The following SYNPR variants were observed in gnomAD, a reference collection of about 807,000 sequenced individuals.
SYNPR encodes the protein synaptoporin.
In SYNPR, 23 loss-of-function variants were observed where a neutral mutation model predicts 32.9. That is an observed-to-expected ratio of 0.70 (90% CI 0.50 to 0.99). The LOEUF (loss-of-function observed/expected upper bound fraction) is 0.99. Ranked by LOEUF, SYNPR falls within the 50% of genes least tolerant of loss-of-function variation. SYNPR has a pLI of 0.00. For synonymous variants in SYNPR, 146 were observed against 135.9 expected (o/e 1.07, Z -0.52); for missense variants, 318 against 349.3 (o/e 0.91, Z 0.71).
At position 63,359,539 on chromosome 3, in the gene SYNPR, A is replaced by T. The variant is rs567625349; in HGVS notation, c.84+80797A>T. Among the ~76,000 whole-genome samples the T allele has an allele frequency of 9.1e-4, 139 of 152,186 alleles. 5 individuals are homozygous for T. Among genetic ancestry groups the T allele is most frequent in the South Asian group, 4.1e-4 (2 of 4,824 alleles). On this transcript the variant is annotated intron_variant, in intron 2 of 5. Transcript: ENST00000478300. ...GGCAACTGCTAGCACTCCCAGAGAG[A>T]TGCCCTTTTCCATTTGAAGTCTGTG... is the stretch of plus-strand genomic sequence containing the variant.
At chr3:63,539,678 G>A (rs1245617208) in intron 3 of SYNPR, among the ~76,000 whole-genome samples, 1 of 152,216 alleles carries the variant, frequency 6.6e-6, no homozygotes, top group South Asian at 2.1e-4. Flanking sequence ...TAGGCACAAG[G>A]AGCCTTTATA....
chr3:63,403,510 C>T (rs1351209243), intron 2 of SYNPR, among the ~76,000 whole-genome samples: 2 of 151,918 alleles, frequency 1.3e-5, no homozygotes, highest in Non-Finnish European at 2.9e-5. Flanking sequence ...TTAATCCTCA[C>T]AATAACCCCA....
chr3:63,291,447 T>C (rs1213891974), intron 2 of SYNPR, among the ~76,000 whole-genome samples: 1 of 152,220 alleles, frequency 6.6e-6, no homozygotes. Context: ...AGCTCAGATA[T>C]CTGGGAAATC....
At chr3:63,570,683 C>T (rs1288048906) in intron 4 of SYNPR, among the ~76,000 whole-genome samples, 1 of 152,144 alleles carries the variant, frequency 6.6e-6, no homozygotes, top group Non-Finnish European at 1.5e-5. Flanking sequence ...TATGTGATTT[C>T]TCCCTCTTCT....
chr3:63,603,871 G>A (rs1235414161), intron 4 of SYNPR, among the ~76,000 whole-genome samples: 1 of 152,134 alleles, frequency 6.6e-6, no homozygotes, highest in Non-Finnish European at 1.5e-5. Context: ...CTCATAGGAT[G>A]AGCTGGGAAA....
chr3:63,209,385 A>G, the SYNPR span, among the ~76,000 whole-genome samples: 1 of 151,782 alleles, frequency 6.6e-6, no homozygotes, highest in Non-Finnish European at 1.5e-5. Flanking sequence ...ACAAGTCCTT[A>G]TATCCCAGAA....
chr3:63,531,437 G>A (rs1349962264), intron 3 of SYNPR, among the ~76,000 whole-genome samples: 2 of 151,898 alleles, frequency 1.3e-5, no homozygotes, highest in South Asian at 2.1e-4. Context: ...GCTCTACCTC[G>A]GCTAACAAGT....
At chr3:63,494,404 T>TATATACACACAC (rs1553641129) in intron 3 of SYNPR, among the ~76,000 whole-genome samples, 5 of 102,456 alleles carry the variant, frequency 4.9e-5, no homozygotes, top group African/African-American at 2.0e-4. Flanking sequence ...TATATATATA[T>TATATACACACAC]ATATATATAT....
chr3:63,485,011 G>A (rs1467080035), intron 3 of SYNPR, among the ~76,000 whole-genome samples: 1 of 152,272 alleles, frequency 6.6e-6, no homozygotes, highest in East Asian at 1.9e-4. Context: ...GTACAAGTTA[G>A]GATTTGATCA....
At chr3:63,429,737 A>G (rs1354412118) in intron 2 of SYNPR, among the ~76,000 whole-genome samples, 1 of 152,220 alleles carries the variant, frequency 6.6e-6, no homozygotes. Flanking sequence ...TGTGAAGCAG[A>G]GCAGGGTTTC....
At chr3:63,408,146 G>GAAAGAAAGAAAGAAAGA (rs2088388484) in intron 2 of SYNPR, among the ~76,000 whole-genome samples, 2 of 32,564 alleles carry the variant, frequency 6.1e-5, no homozygotes, top group Non-Finnish European at 1.3e-4. Context: ...AGAAAGAAAA[G>GAAAGAAAGAAAGAAAGA]AAAGAAAGAA....
At chr3:63,436,328 C>T (rs1700084447) in intron 2 of SYNPR, among the ~76,000 whole-genome samples, 1 of 128,660 alleles carries the variant, frequency 7.8e-6, no homozygotes, top group Admixed American at 8.0e-5. Context: ...GCTATCCCTT[C>T]CCCCTCCCCC....
intron 2 of SYNPR, among the ~76,000 whole-genome samples, chr3:63,402,273 T>G (rs2088302830): frequency 6.6e-6 from 1 of 152,088 alleles, no homozygotes; most frequent in African/African-American, 2.4e-5. Context: ...CCCTGCAAAG[T>G]GGTGACCATC....
intron 2 of SYNPR, among the ~76,000 whole-genome samples, chr3:63,308,434 A>G (rs1390861310): frequency 6.6e-6 from 1 of 151,964 alleles, no homozygotes; most frequent in Non-Finnish European, 1.5e-5. Flanking sequence ...GTACAGATCC[A>G]CATTTCATCT....
chr3:63,423,298 C>T lies in SYNPR; in HGVS notation c.85-57534C>T, dbSNP rs1052519. Among the ~76,000 whole-genome samples the T allele has an allele frequency of 8.9e-4, 136 of 152,172 alleles. No homozygotes were observed. The East Asian group carries it at 0.017, about 19-fold the overall frequency. Reference sequence around the variant, plus strand: ...GTTCATGCTGGTGGTGGATATTGAGCGACTGTTATACAGCAAATGGACTCC... The same window carrying T: ...GTTCATGCTGGTGGTGGATATTGAGTGACTGTTATACAGCAAATGGACTCC... On this transcript the variant is annotated intron_variant, in intron 2 of 5. Coordinates refer to ENST00000478300, the MANE Select transcript of SYNPR (RefSeq NM_001130003.2).
chr3:63,317,474 A>G (rs2087055527), intron 2 of SYNPR, among the ~76,000 whole-genome samples: 1 of 151,866 alleles, frequency 6.6e-6, no homozygotes, highest in Non-Finnish European at 1.5e-5. Context: ...AAGGCCTTTT[A>G]CCATTATATA....
At chr3:63,344,833 T>C (rs2087415746) in intron 2 of SYNPR, among the ~76,000 whole-genome samples, 1 of 151,810 alleles carries the variant, frequency 6.6e-6, no homozygotes, top group Non-Finnish European at 1.5e-5. Flanking sequence ...GGCTGGTGAA[T>C]GGGGGGAATG....
At chr3:63,562,498 G>T (rs193046394) in intron 4 of SYNPR, among the ~76,000 whole-genome samples, 12 of 152,214 alleles carry the variant, frequency 7.9e-5, no homozygotes, top group Non-Finnish European at 1.5e-4. Context: ...AAGGAGACCA[G>T]GTTGACCCAA....
chr3:63,497,999 A>C (rs1559517650), intron 3 of SYNPR, among the ~76,000 whole-genome samples: 1 of 152,160 alleles, frequency 6.6e-6, no homozygotes, highest in Non-Finnish European at 1.5e-5. Flanking sequence ...TAAGAAAAAA[A>C]AGTACACTCA....
Sources: allele counts gnomAD v4.1 joint callset (sites outside exome capture counted in the v4.1 genomes callset), GRCh38; gene constraint gnomAD v4.1.1; transcripts MANE v1.5; gene names NCBI Gene and HGNC (gene_info 2026-07-23, HGNC 2026-07-21).